The following TBCA variants were observed in gnomAD, a reference collection of about 807,000 sequenced individuals.
The protein encoded by TBCA is tubulin folding cofactor A, also known as tubulin-specific chaperone A.
In TBCA, 6 loss-of-function variants were observed where a neutral mutation model predicts 15.8. The ratio of observed to expected loss-of-function variants is 0.38; its 90% CI spans 0.21 to 0.75. The LOEUF (loss-of-function observed/expected upper bound fraction) is 0.75. TBCA is among the 30% of genes least tolerant of loss of function. The pLI is 0.46. For missense variants in TBCA, 90 were observed against 131.2 expected (o/e 0.69, Z 1.53); for synonymous variants, 32 against 42.3 (o/e 0.76, Z 0.94).
intron 1 of TBCA, among the ~76,000 whole-genome samples, chr5:77,738,856 T>G (rs1197290841): frequency 6.6e-6 from 1 of 152,120 alleles, no homozygotes; most frequent in Non-Finnish European, 1.5e-5. Flanking sequence ...GTGCTGGGAT[T>G]ACAGGCGTGA....
At chr5:77,719,656 T>C (rs1746484498) in intron 1 of TBCA, among the ~76,000 whole-genome samples, 1 of 152,216 alleles carries the variant, frequency 6.6e-6, no homozygotes, top group Admixed American at 6.5e-5. Flanking sequence ...ACAGCTAAAA[T>C]GATGCATGTC....
At chr5:77,697,969 A>C (rs1745909306) in intron 2 of TBCA, among the ~76,000 whole-genome samples, 1 of 152,014 alleles carries the variant, frequency 6.6e-6, no homozygotes, top group Non-Finnish European at 1.5e-5. Flanking sequence ...TCTCTCAAAA[A>C]ATTAGCCAGG....
intron 1 of TBCA, among the ~76,000 whole-genome samples, chr5:77,769,375 T>C (rs147496126): frequency 9.7e-4 from 147 of 152,286 alleles, no homozygotes; most frequent in African/African-American, 3.3e-3. Flanking sequence ...TCTTAACCTA[T>C]CCCAGATACA....
intron 1 of TBCA, among the ~76,000 whole-genome samples, chr5:77,769,904 C>A (rs564106866): frequency 1.2e-4 from 19 of 152,290 alleles, no homozygotes; most frequent in Admixed American, 3.3e-4. Context: ...GTGCTATTTC[C>A]AATGCCCTAA....
intron 2 of TBCA, 38 bp from the exon 3 acceptor site, chr5:77,693,390 A>G: frequency 6.3e-7 from 1 of 1,591,976 alleles, no homozygotes; most frequent in Non-Finnish European, 8.5e-7. Flanking sequence ...CAAAGATGGC[A>G]GAACTTGTAG....
intron 1 of TBCA, among the ~76,000 whole-genome samples, chr5:77,723,871 A>G (rs559515991): frequency 6.6e-6 from 1 of 152,132 alleles, no homozygotes; most frequent in African/African-American, 2.4e-5. Context: ...TGTGTGTGGG[A>G]GAATGTAAGT....
chr5:77,728,980 T>C (rs990535785), intron 1 of TBCA, among the ~76,000 whole-genome samples: 1 of 152,180 alleles, frequency 6.6e-6, no homozygotes, highest in Admixed American at 6.5e-5. Context: ...TGATATATTA[T>C]AGTCGAATGC....
intron 2 of TBCA, among the ~76,000 whole-genome samples, chr5:77,705,806 G>A (rs1746137083): frequency 6.6e-6 from 1 of 151,980 alleles, no homozygotes; most frequent in African/African-American, 2.4e-5. Context: ...ACTCCAGCTT[G>A]GGCATCACAG....
At chr5:77,752,680 T>C (rs1747377889) in intron 1 of TBCA, among the ~76,000 whole-genome samples, 1 of 115,670 alleles carries the variant, frequency 8.6e-6, no homozygotes, top group African/African-American at 3.1e-5. Context: ...TGCCTCAGCC[T>C]CCCGAGTAGC....
At chr5:77,742,689 A>G (rs754339983) in intron 1 of TBCA, among the ~76,000 whole-genome samples, 1 of 152,230 alleles carries the variant, frequency 6.6e-6, no homozygotes, top group Non-Finnish European at 1.5e-5. Flanking sequence ...TCCGAAGGCT[A>G]TATGAGCTGT....
intron 1 of TBCA, among the ~76,000 whole-genome samples, chr5:77,738,693 A>G (rs1317097462): frequency 6.6e-6 from 1 of 152,238 alleles, no homozygotes; most frequent in Non-Finnish European, 1.5e-5. Flanking sequence ...AGAAATTCTC[A>G]TGCCTTAGCC....
chr5:77,761,178 G>A (rs1344604023), intron 1 of TBCA, among the ~76,000 whole-genome samples: 1 of 152,082 alleles, frequency 6.6e-6, no homozygotes, highest in Non-Finnish European at 1.5e-5. Flanking sequence ...GATGATGGTG[G>A]TTTTGTCGAA....
Position 77,738,784 on chromosome 5 carries a change from T to C in TBCA, c.54-30437A>G, listed in dbSNP as rs1223163764. 3.9e-5 allele frequency among the ~76,000 whole-genome samples: 6 copies of C among 152,120 alleles called. No individual in the cohort carries two copies. The East Asian group carries it at 9.7e-4, about 25-fold the overall frequency. ...TTTTAGTAGAGACAGGGTTTCACCA[T>C]GTTGGCCAGGCTGGTCTCAAACTCC... On this transcript the variant is annotated intron_variant, in intron 1 of 3. Transcript: ENST00000380377.
chr5:77,714,689 C>T (rs1229658447), intron 1 of TBCA, among the ~76,000 whole-genome samples: 7 of 151,982 alleles, frequency 4.6e-5, no homozygotes, highest in African/African-American at 1.7e-4. Context: ...GCCTCAGCCT[C>T]CCAGGTAGCT....
intron 1 of TBCA, among the ~76,000 whole-genome samples, chr5:77,719,335 T>C (rs1459599580): frequency 6.6e-6 from 1 of 152,222 alleles, no homozygotes; most frequent in Non-Finnish European, 1.5e-5. Context: ...CTTTGATCTG[T>C]TCCCAAGGTA....
chr5:77,765,948 C>T (rs1382317832), intron 1 of TBCA, among the ~76,000 whole-genome samples: 1 of 151,300 alleles, frequency 6.6e-6, no homozygotes, highest in Non-Finnish European at 1.5e-5. Context: ...AACATACATT[C>T]GTACATTCAT....
intron 1 of TBCA, among the ~76,000 whole-genome samples, chr5:77,748,632 T>C (rs1437117838): frequency 6.6e-6 from 1 of 152,134 alleles, no homozygotes; most frequent in African/African-American, 2.4e-5. Context: ...CTAAACATAC[T>C]TGGGCATTGC....
At chr5:77,701,598 T>C (rs1347903265) in intron 2 of TBCA, among the ~76,000 whole-genome samples, 1 of 149,636 alleles carries the variant, frequency 6.7e-6, no homozygotes, top group Non-Finnish European at 1.5e-5. Context: ...CTTGCACACA[T>C]TTATAGCAGC....
chr5:77,725,787 A>AT (rs1746620270), intron 1 of TBCA, among the ~76,000 whole-genome samples: 1 of 152,314 alleles, frequency 6.6e-6, no homozygotes, highest in South Asian at 2.1e-4. Flanking sequence ...ATATGCTACC[A>AT]TAAGTGTCTT....
Sources: gnomAD v4.1 joint callset for allele counts (sites outside exome capture counted in the v4.1 genomes callset) on GRCh38, gnomAD v4.1.1 for gene constraint, MANE v1.5 for transcripts, NCBI Gene and HGNC (gene_info 2026-07-23, HGNC 2026-07-21) for gene names.